Variants in TBC1D2B observed in about 807,000 individuals in gnomAD.
TBC1D2B encodes TBC1 domain family member 2B.
In TBC1D2B, 64 loss-of-function variants were observed where a neutral mutation model predicts 100.8. The observed-to-expected ratio is 0.64, with a 90% CI of 0.52 to 0.78. The LOEUF is 0.78. Ranked by LOEUF, TBC1D2B falls within the 30% of genes least tolerant of loss-of-function variation. The pLI is 0.00. For synonymous variants in TBC1D2B, 480 were observed against 479.7 expected (o/e 1.00, Z -0.01); for missense variants, 1,052 against 1,218.4 (o/e 0.86, Z 2.03).
At chr15:78,056,595 C>A (rs563777252) in intron 1 of TBC1D2B, among the ~76,000 whole-genome samples, 1 of 151,084 alleles carries the variant, frequency 6.6e-6, no homozygotes, top group East Asian at 1.9e-4. Context: ...AGCATTTCCA[C>A]AGGAAGGGAG....
chr15:78,016,719 C>G lies in TBC1D2B; in HGVS notation c.1602G>C (p.Lys534Asn). Residue 534 changes from lysine (K) to asparagine (N), a missense_variant, in exon 8 of 13, where the codon AAG becomes AAC. By Grantham distance (94) the Lys-to-Asn change is moderately conservative. Transcript: ENST00000300584. ...GGTATTTACTTTCTATCTGGCAGAGCTTGGCTTCCAGGCTAGAATACTGCA... is the reference window on the plus strand; with the variant it reads ...GGTATTTACTTTCTATCTGGCAGAGGTTGGCTTCCAGGCTAGAATACTGCA... ...LMAKYSSLEA[K>N]LCQIESKYLI... 6.4e-7 allele frequency: 1 copy of G among 1,566,234 alleles called. No homozygotes were observed. The highest frequency in any genetic ancestry group is 8.6e-7 in the Non-Finnish European group (1 of 1,158,014).
At chr15:78,060,548 T>C (rs1745031807) in intron 1 of TBC1D2B, among the ~76,000 whole-genome samples, 1 of 150,902 alleles carries the variant, frequency 6.6e-6, no homozygotes. Context: ...AGGCTGAAGT[T>C]AGATGATCCC....
Position 78,040,885 on chromosome 15 carries a change from AG to A in TBC1D2B, c.683+4014del, listed in dbSNP as rs1567026284. Among the ~76,000 whole-genome samples, 257 of 144,886 alleles carry A rather than the reference AG, an allele frequency of 1.8e-3. 1 individual carries two copies. The highest frequency in any genetic ancestry group is 6.1e-3 in the African/African-American group (239 of 39,100). Reference sequence around the variant, plus strand: ...AAGAAAGAAAGAAAGAAAGAAAGAGAGAGAGAGAGAAAGAAAGAAAGAAAGA... The same window carrying A: ...AAGAAAGAAAGAAAGAAAGAAAGAGAAGAGAGAGAAAGAAAGAAAGAAAGA... On this transcript the variant is annotated intron_variant, in intron 3 of 12. Transcript: ENST00000300584.
chr15:78,066,040 T>C (rs1375000302), intron 1 of TBC1D2B: 2 of 470,964 alleles, frequency 4.2e-6, no homozygotes, highest in African/African-American at 4.0e-5. Context: ...TCTTTGGTGG[T>C]GGTGATCATT....
At chr15:78,001,014 T>C (rs1160794796) in intron 12 of TBC1D2B, among the ~76,000 whole-genome samples, 1 of 152,208 alleles carries the variant, frequency 6.6e-6, no homozygotes, top group East Asian at 1.9e-4. Flanking sequence ...CCTCAAGTCC[T>C]GAGAGAAGTC....
At position 77,995,360 on chromosome 15, in the gene TBC1D2B, TCAG is replaced by T. The variant is rs1347764404; in HGVS notation, c.*2797_*2799del. ...TTGAAACCAGAACCGTCTCCAGCTG[TCAG>T]CAGTCTTGGCGGCTACTGTACAGCT... On this transcript the variant is annotated 3_prime_UTR_variant, in exon 13 of 13. Transcript: ENST00000300584. 1 of 152,370 alleles carries T rather than the reference TCAG, an allele frequency of 6.6e-6. No individual in the cohort carries two copies. The highest frequency in any genetic ancestry group is 1.5e-5 in the Non-Finnish European group (1 of 68,050). The allele number at this position is 152,370 out of a possible 1,614,324, so 9.4% of individuals were successfully genotyped here. A position where few individuals can be genotyped will look rare whatever the true frequency, so the allele number is the denominator to read the frequency against.
Position 78,077,532 on chromosome 15 carries a change from G to A in TBC1D2B, c.121C>T (p.Leu41=). 6.6e-7 allele frequency: 1 copy of A among 1,517,498 alleles called. No individual in the cohort carries two copies. Among genetic ancestry groups the A allele is most frequent in the Non-Finnish European group, 8.8e-7 (1 of 1,133,252 alleles). 94.0% of individuals were successfully genotyped at this position (1,517,498 alleles called of 1,614,324 possible). A position where few individuals can be genotyped will look rare whatever the true frequency, so the allele number is the denominator to read the frequency against. The stretch of plus-strand genomic sequence containing the variant: ...GGGCCCTTGCCCGACAGCTTCTGCA[G>A]ATAGCCACACAGCCGCGCTGGCTCC... ...AREPARLCGY[L]QKLSGKGPLR... Residue 41 remains leucine, a synonymous_variant, in exon 1 of 13, where the codon CTG becomes TTG. Transcript: ENST00000300584.
chr15:78,056,682 T>G, intron 1 of TBC1D2B, among the ~76,000 whole-genome samples: 1 of 112,666 alleles, frequency 8.9e-6, no homozygotes. Flanking sequence ...CACCCAGTCC[T>G]CCTCTTTTTT....
intron 3 of TBC1D2B, among the ~76,000 whole-genome samples, chr15:78,032,137 C>T (rs1430817935): frequency 1.3e-5 from 2 of 152,120 alleles, no homozygotes; most frequent in Admixed American, 6.6e-5. Context: ...GAAAGCTATC[C>T]GAGGACAGGG....
rs1555423578 is a variant in TBC1D2B at position 78,077,674 on chromosome 15, G to GGCGCCCGCGCCCTGC, written c.-37_-23dup. ...GCATCGCTACCGCGCGCCAACCGTA[G>GGCGCCCGCGCCCTGC]GCGCCCGCGCCCTGCGCCTCCGCGC... On this transcript the variant is annotated 5_prime_UTR_variant, in exon 1 of 13. Transcript: ENST00000300584. The GGCGCCCGCGCCCTGC allele has an allele frequency of 1.8e-4, 181 of 986,152 alleles. No homozygotes were observed. Among genetic ancestry groups the GGCGCCCGCGCCCTGC allele is most frequent in the Admixed American group, 3.7e-4 (6 of 16,078 alleles). 61.1% of individuals were successfully genotyped at this position (986,152 alleles called of 1,614,324 possible).
At chr15:78,001,844 G>A (rs2071923652) in intron 11 of TBC1D2B, 104 bp from the exon 12 acceptor site, 1 of 1,310,352 alleles carries the variant, frequency 7.6e-7, no homozygotes, top group Non-Finnish European at 1.0e-6. Context: ...AGGGGGACAT[G>A]GCTTGCACGG....
intron 1 of TBC1D2B, among the ~76,000 whole-genome samples, chr15:78,075,132 G>A (rs7180684): frequency 6.6e-6 from 1 of 152,182 alleles, no homozygotes; most frequent in South Asian, 2.1e-4. Context: ...CAAGTCCATC[G>A]AAGTTTAAAG....
chr15:78,066,296 G>A (rs2073656385), intron 1 of TBC1D2B, among the ~76,000 whole-genome samples: 1 of 152,146 alleles, frequency 6.6e-6, no homozygotes, highest in Non-Finnish European at 1.5e-5. Context: ...CCCGAGGATG[G>A]AGGGCTCACA....
chr15:78,040,855 G>GAAGGAAGGAAGAAAGA lies in TBC1D2B; in HGVS notation c.683+4044_683+4045insTCTTTCTTCCTTCCTT, dbSNP rs71447186. Among the ~76,000 whole-genome samples the GAAGGAAGGAAGAAAGA allele has an allele frequency of 3.2e-4, 24 of 74,738 alleles. 1 individual carries two copies. The South Asian group carries it at 3.8e-3, about 12-fold the overall frequency. The allele number at this position is 74,738 out of a possible 152,430, so 49.0% of individuals were successfully genotyped here. On this transcript the variant is annotated intron_variant, in intron 3 of 12. Transcript: ENST00000300584. ...AGAAAGAAAAAAGAAAGAAAGAAAG[G>GAAGGAAGGAAGAAAGA]AAGAAAGAAAGAAAGAAAGAAAGAA...
intron 6 of TBC1D2B, among the ~76,000 whole-genome samples, chr15:78,020,136 G>C (rs114239919): frequency 6.6e-6 from 1 of 152,146 alleles, no homozygotes; most frequent in African/African-American, 2.4e-5. Context: ...TCTTGCCTCG[G>C]CCTCCCAAAG....
intron 2 of TBC1D2B, among the ~76,000 whole-genome samples, chr15:78,048,674 G>A (rs1596324361): frequency 1.3e-5 from 2 of 152,336 alleles, no homozygotes; most frequent in East Asian, 3.9e-4. Context: ...AACCCGGGCA[G>A]TCTCAGCCTC....
intron 3 of TBC1D2B, 95 bp downstream of exon 3, chr15:78,044,805 G>A (rs376342368): frequency 1.7e-6 from 2 of 1,193,984 alleles, no homozygotes; most frequent in East Asian, 2.6e-5. Context: ...CTTTGTAAGT[G>A]TAAGATAGTT....
chr15:78,034,586 G>C (rs2072901022), intron 3 of TBC1D2B: 1 of 984,944 alleles, frequency 1.0e-6, no homozygotes, highest in Non-Finnish European at 1.2e-6. Flanking sequence ...AGAGAGAACA[G>C]TAATTTCAGT....
At chr15:78,043,554 A>C (rs998427132) in intron 3 of TBC1D2B, among the ~76,000 whole-genome samples, 2 of 151,730 alleles carry the variant, frequency 1.3e-5, no homozygotes, top group African/African-American at 4.8e-5. Context: ...ATGCATCACC[A>C]CCCCCAGCTA....
Sources: gnomAD v4.1 joint callset for allele counts (sites outside exome capture counted in the v4.1 genomes callset) on GRCh38, gnomAD v4.1.1 for gene constraint, MANE v1.5 for transcripts, NCBI Gene and HGNC (gene_info 2026-07-23, HGNC 2026-07-21) for gene names.